Variants in IQSEC1 observed in about 807,000 individuals in gnomAD.
IQSEC1 encodes IQ motif and Sec7 domain ArfGEF 1, also known as IQ motif and SEC7 domain-containing protein 1.
A neutral mutation model predicts 91.0 loss-of-function variants in IQSEC1; 31 were observed. The observed-to-expected ratio is 0.34, with a 90% CI of 0.26 to 0.46. The LOEUF is 0.46. Among genes scored for constraint, IQSEC1 ranks in the 20% least tolerant of loss-of-function variants. The pLI is 1.00. For synonymous variants in IQSEC1, 699 were observed against 662.6 expected (o/e 1.05, Z -0.84); for missense variants, 1,388 against 1,575.6 (o/e 0.88, Z 2.02).
intron 2 of IQSEC1, among the ~76,000 whole-genome samples, chr3:13,138,574 G>A (rs1014700664): frequency 5.9e-5 from 9 of 152,162 alleles, no homozygotes; most frequent in Non-Finnish European, 8.8e-5. Context: ...CCAGGCTCCC[G>A]GCAGCTTCGC....
chr3:12,948,028 C>T (rs1372210761), intron 1 of IQSEC1, among the ~76,000 whole-genome samples: 2 of 152,246 alleles, frequency 1.3e-5, no homozygotes, highest in Non-Finnish European at 2.9e-5. Context: ...AAGCAAGGGG[C>T]CAAGCAGGCT....
chr3:12,923,667 C>T (rs1181526051), intron 4 of IQSEC1, among the ~76,000 whole-genome samples: 3 of 152,290 alleles, frequency 2.0e-5, no homozygotes, highest in East Asian at 3.9e-4. Flanking sequence ...AAAAGGGCGA[C>T]GGCACCCTCT....
At chr3:13,228,315 AAAGGAGCAGGGG>A (rs1453993220) in intron 1 of IQSEC1, among the ~76,000 whole-genome samples, 2 of 152,158 alleles carry the variant, frequency 1.3e-5, no homozygotes, top group Non-Finnish European at 2.9e-5. Flanking sequence ...GACCGGAAAC[AAAGGAGCAGGGG>A]AAGGAAGCGC....
intron 1 of IQSEC1, among the ~76,000 whole-genome samples, chr3:12,959,124 A>G (rs1278215399): frequency 1.3e-5 from 2 of 152,172 alleles, no homozygotes; most frequent in Non-Finnish European, 2.9e-5. Context: ...CCTGGGCAGG[A>G]GCCAGATCAG....
intron 1 of IQSEC1, among the ~76,000 whole-genome samples, chr3:13,189,249 T>G (rs1158631413): frequency 6.6e-6 from 1 of 152,236 alleles, no homozygotes; most frequent in East Asian, 1.9e-4. Flanking sequence ...GCTAAGGACC[T>G]CTGACCCAGT....
intron 1 of IQSEC1, chr3:13,015,478 A>C (rs1703081218): frequency 2.6e-6 from 2 of 780,454 alleles, no homozygotes; most frequent in South Asian, 1.2e-4. Flanking sequence ...ACAGCCCCCA[A>C]GACCCTCACC....
chr3:13,129,977 A>G (rs1473415153), intron 2 of IQSEC1, among the ~76,000 whole-genome samples: 2 of 151,746 alleles, frequency 1.3e-5, no homozygotes, highest in African/African-American at 4.8e-5. Context: ...GAATTTTTAT[A>G]TACTGTTTTT....
rs996982529 is a variant in IQSEC1, at chr3:12,940,256, C to T, written c.318+1315G>A. On this transcript the variant is annotated intron_variant, in intron 2 of 13. Transcript: ENST00000613206. This position sits in a 1 kb window ranked among gnomAD's most constrained non-coding sequence, Gnocchi z 4.4. Reference sequence around the variant, plus strand: ...TGAGGAAGGGGCTGATGGGGGCTTCCCTGTCAAGAGAGTGGACGACCCCCA... The same window carrying T: ...TGAGGAAGGGGCTGATGGGGGCTTCTCTGTCAAGAGAGTGGACGACCCCCA... Among the ~76,000 whole-genome samples the T allele has an allele frequency of 6.6e-6, 1 of 151,932 alleles. No homozygotes were observed. The highest frequency in any genetic ancestry group is 1.5e-5 in the Non-Finnish European group (1 of 67,996).
chr3:13,111,336 T>C (rs934622791), intron 2 of IQSEC1, among the ~76,000 whole-genome samples: 1 of 152,110 alleles, frequency 6.6e-6, no homozygotes, highest in Non-Finnish European at 1.5e-5. Flanking sequence ...GCCTCGTGGG[T>C]GGTGAGGGGC....
intron 2 of IQSEC1, among the ~76,000 whole-genome samples, chr3:13,130,547 G>C (rs1004739489): frequency 1.3e-5 from 2 of 152,100 alleles, no homozygotes; most frequent in African/African-American, 4.8e-5. Context: ...GCTCTTGTTA[G>C]GTAGAGTGTT....
chr3:13,254,111 T>C (rs1488180824), intron 1 of IQSEC1, among the ~76,000 whole-genome samples: 1 of 152,280 alleles, frequency 6.6e-6, no homozygotes, highest in Non-Finnish European at 1.5e-5. Flanking sequence ...CTGGAGGTCC[T>C]GGCTGGCATC....
At chr3:13,223,327 AT>A (rs146606640) in intron 1 of IQSEC1, among the ~76,000 whole-genome samples, 4,936 of 152,308 alleles carry the variant, frequency 0.032, 148 homozygotes, top group East Asian at 0.13. Context: ...TCCCACAAGG[AT>A]GGAGATCTTC....
In IQSEC1 at chr3:12,924,752, G is replaced by T. The variant is rs1696962834; in HGVS notation, c.1569-10C>A. 1.3e-6 allele frequency: 2 copies of T among 1,554,254 alleles called. No individual in the cohort carries two copies. Among genetic ancestry groups the T allele is most frequent in the Admixed American group, 1.8e-5 (1 of 54,540 alleles). ...TCCCTTCTCAGGCTTCCTGGGGTAG[G>T]ACGAGAGGCACACTCAGTCCCAGCT... On this transcript the variant is annotated splice_polypyrimidine_tract_variant and intron_variant, in intron 3 of 13. Coordinates refer to ENST00000613206, the MANE Select transcript of IQSEC1 (RefSeq NM_001134382.3). The surrounding 1 kb of genome is among the most constrained non-coding windows in gnomAD (Gnocchi z 6.3).
At chr3:13,144,103 G>GT (rs1201216197) in intron 2 of IQSEC1, among the ~76,000 whole-genome samples, 1 of 152,196 alleles carries the variant, frequency 6.6e-6, no homozygotes, top group African/African-American at 2.4e-5. Flanking sequence ...AATTCAAGCA[G>GT]TATCTGTCGA....
intron 1 of IQSEC1, among the ~76,000 whole-genome samples, chr3:13,280,111 C>A (rs2125159301): frequency 6.6e-6 from 1 of 152,276 alleles, no homozygotes; most frequent in South Asian, 2.1e-4. Flanking sequence ...GCTTTGCGTG[C>A]ATTTCAGAAA....
Position 13,282,758 on chromosome 3 carries a change from G to T in IQSEC1, c.225C>A (p.Gly75=), listed in dbSNP as rs1431670718. ...CCGGGATGGCGCCGAGCGGCTGCGG[G>T]CCGGGGCCGGGGCCCGGGTCGGGGC... Residue 75 remains glycine (G), a synonymous_variant, in exon 1 of 16, where the codon GGC becomes GGA. Coordinates refer to the IQSEC1 transcript ENST00000648114. This position sits in a 1 kb window ranked among gnomAD's most constrained non-coding sequence, Gnocchi z 6.4. Among the ~76,000 whole-genome samples the T allele has an allele frequency of 2.0e-5, 3 of 148,774 alleles. No individual in the cohort carries two copies. Among genetic ancestry groups the T allele is most frequent in the Non-Finnish European group, 4.5e-5 (3 of 66,778 alleles).
intron 2 of IQSEC1, among the ~76,000 whole-genome samples, chr3:13,136,049 TG>T (rs1706704882): frequency 6.6e-6 from 1 of 152,214 alleles, no homozygotes; most frequent in African/African-American, 2.4e-5. Flanking sequence ...TTGCATGTCC[TG>T]GCCATGGGAG....
At chr3:13,072,878 G>C in intron 1 of IQSEC1, 114 bp downstream of exon 1, 3 of 937,554 alleles carry the variant, frequency 3.2e-6, no homozygotes, top group Non-Finnish European at 5.0e-6. Flanking sequence ...CCCTCTGCAA[G>C]TCACCTGCAC....
At chr3:13,205,168 A>G (rs2125054926) in intron 1 of IQSEC1, among the ~76,000 whole-genome samples, 1 of 152,140 alleles carries the variant, frequency 6.6e-6, no homozygotes, top group African/African-American at 2.4e-5. Context: ...GCTACAGCGA[A>G]CTGCCCAGCG....
Sources: gnomAD v4.1 joint callset for allele counts (sites outside exome capture counted in the v4.1 genomes callset) on GRCh38, gnomAD v4.1.1 for gene constraint, Gnocchi (gnomAD v3.1) non-coding constraint, MANE v1.5 for transcripts, NCBI Gene and HGNC (gene_info 2026-07-23, HGNC 2026-07-21) for gene names.